The following ZNF468 variants were observed in gnomAD, a reference collection of about 807,000 sequenced individuals.
ZNF468 encodes zinc finger protein ZNF468.
A neutral mutation model predicts 7.2 loss-of-function variants in ZNF468; 8 were observed. The ratio of observed to expected loss-of-function variants is 1.11; its 90% CI spans 0.65 to 2.01. The LOEUF (loss-of-function observed/expected upper bound fraction) is 2.01, where lower values mean the gene tolerates loss of function less well. Among genes scored for constraint, ZNF468 ranks in the 30% most tolerant of loss-of-function variants. The pLI is 0.00. For missense variants in ZNF468, 608 were observed against 626.5 expected (o/e 0.97, Z 0.31); for synonymous variants, 218 against 214.4 (o/e 1.02, Z -0.15).
At chr19:52,847,256 C>T (rs1247349150) in intron 3 of ZNF468, among the ~76,000 whole-genome samples, 1 of 151,950 alleles carries the variant, frequency 6.6e-6, no homozygotes, top group Non-Finnish European at 1.5e-5. Flanking sequence ...GCAGGGTGTG[C>T]CTTGTTAACA....
At position 52,840,686 on chromosome 19, in the gene ZNF468, T is replaced by G. The variant is rs9749464; in HGVS notation, c.*39A>C. 0.18 allele frequency: 295,325 copies of G among 1,612,474 alleles called. 30,806 individuals are homozygous for G. Among genetic ancestry groups the G allele is most frequent in the South Asian group, 0.36 (32,799 of 91,002 alleles). ...TGAATTGCCTTATGACTTACAGGGTTGAATTGTGATGGAAGGTCTTGCCAC... is the reference window on the plus strand; with the variant it reads ...TGAATTGCCTTATGACTTACAGGGTGGAATTGTGATGGAAGGTCTTGCCAC... On this transcript the variant is annotated 3_prime_UTR_variant, in exon 4 of 4. Coordinates refer to ENST00000595646, the MANE Select transcript of ZNF468 (RefSeq NM_001008801.2).
chr19:52,857,322 G>A (rs1017199396), intron 1 of ZNF468, among the ~76,000 whole-genome samples: 19 of 152,234 alleles, frequency 1.2e-4, no homozygotes, highest in Non-Finnish European at 2.5e-4. Context: ...ACGGTTTTGA[G>A]CAGGAAAACT....
intron 2 of ZNF468, among the ~76,000 whole-genome samples, chr19:52,853,160 T>G (rs1165490078): frequency 6.6e-6 from 1 of 151,992 alleles, no homozygotes; most frequent in African/African-American, 2.4e-5. Flanking sequence ...TGGCCCAGAA[T>G]TTTTTTTAAA....
At chr19:52,856,092 T>C (rs1457592993) in intron 1 of ZNF468, among the ~76,000 whole-genome samples, 5 of 152,354 alleles carry the variant, frequency 3.3e-5, no homozygotes, top group African/African-American at 7.2e-5. Flanking sequence ...ACTCCCAACA[T>C]TGAATTCTTC....
rs2063284772 is a variant in ZNF468 at position 52,840,385 on chromosome 19, TTATAA to T, written c.*335_*339del. The T allele has an allele frequency of 1.9e-6, 1 of 527,750 alleles. No individual in the cohort carries two copies. Among genetic ancestry groups the T allele is most frequent in the Non-Finnish European group, 3.5e-6 (1 of 282,896 alleles). The allele number at this position is 527,750 out of a possible 1,614,324, so 32.7% of individuals were successfully genotyped here. On this transcript the variant is annotated 3_prime_UTR_variant, in exon 4 of 4. Transcript: ENST00000595646. ...AACGGTCTTGCCACACTCATTACAC[TTATAA>T]TGAGTTTCTCTCCAGTGTGAATTCT...
At chr19:52,854,703 A>G (rs2063421416) in intron 1 of ZNF468, among the ~76,000 whole-genome samples, 1 of 152,148 alleles carries the variant, frequency 6.6e-6, no homozygotes, top group Admixed American at 6.5e-5. Context: ...AGCCTGGCCA[A>G]CATGGTGAAA....
chr19:52,841,968 T>A lies in ZNF468; in HGVS notation c.326A>T (p.His109Leu). Reference sequence around the variant, plus strand: ...TTTGATTTCTGTCATGGGTGCTGCATGGCCATTTGTTTCATCTTCTTTCCA... The same window carrying A: ...TTTGATTTCTGTCATGGGTGCTGCAAGGCCATTTGTTTCATCTTCTTTCCA... Reference protein sequence around the residue: ...FQWKEDETNGHAAPMTEIKEL... With the variant: ...FQWKEDETNGLAAPMTEIKEL... The change falls in exon 4 of 4, where the codon CAT becomes CTT. Residue 109 changes from histidine to leucine, a missense_variant. By Grantham distance (99) the His-to-Leu change is moderately conservative (BLOSUM62 -3). Coordinates refer to ENST00000595646, the MANE Select transcript of ZNF468 (RefSeq NM_001008801.2). 1.2e-6 allele frequency: 2 copies of A among 1,614,002 alleles called. No individual in the cohort carries two copies. The highest frequency in any genetic ancestry group is 1.7e-6 in the Non-Finnish European group (2 of 1,179,940).
intron 2 of ZNF468, chr19:52,853,739 G>C (rs528226923): frequency 2.5e-6 from 1 of 394,534 alleles, no homozygotes. Context: ...TCATGTCTAT[G>C]TATGAACTTT....
chr19:52,851,928 G>A (rs1489768748), intron 2 of ZNF468, among the ~76,000 whole-genome samples: 1 of 152,116 alleles, frequency 6.6e-6, no homozygotes, highest in Non-Finnish European at 1.5e-5. Flanking sequence ...ATGTATAGAT[G>A]TGTGTGTATG....
At chr19:52,850,696 G>GTCT (rs1489544823) in intron 2 of ZNF468, among the ~76,000 whole-genome samples, 1 of 151,666 alleles carries the variant, frequency 6.6e-6, no homozygotes, top group Non-Finnish European at 1.5e-5. Flanking sequence ...TCAGGAGATC[G>GTCT]AGACCATCCT....
intron 3 of ZNF468, 21 bp from the exon 4 acceptor site, chr19:52,842,172 T>C (rs1600513219): frequency 3.2e-6 from 5 of 1,554,782 alleles, no homozygotes; most frequent in African/African-American, 1.4e-5. Context: ...TAAACACCAA[T>C]AGGTTTCCAA....
intron 2 of ZNF468, among the ~76,000 whole-genome samples, chr19:52,852,839 T>A (rs114936881): frequency 0.34 from 51,397 of 150,850 alleles, 9,464 homozygotes; most frequent in South Asian, 0.5. Flanking sequence ...ATATATAAAA[T>A]TTTTTTTTAA....
At chr19:52,848,707 C>T (rs1466346205) in intron 3 of ZNF468, among the ~76,000 whole-genome samples, 2 of 152,054 alleles carry the variant, frequency 1.3e-5, no homozygotes, top group African/African-American at 2.4e-5. Flanking sequence ...CGTGCCACCA[C>T]ACCCAGCTAA....
At chr19:52,851,247 G>A (rs1368545923) in intron 2 of ZNF468, among the ~76,000 whole-genome samples, 1 of 152,062 alleles carries the variant, frequency 6.6e-6, no homozygotes, top group Non-Finnish European at 1.5e-5. Flanking sequence ...CTGCACTCCA[G>A]CCTGGGCAAC....
chr19:52,845,733 G>A (rs988413179), intron 3 of ZNF468, among the ~76,000 whole-genome samples: 6 of 152,098 alleles, frequency 3.9e-5, no homozygotes, highest in Non-Finnish European at 7.4e-5. Context: ...GTCTAGGTGT[G>A]GTCGTTCATT....
At chr19:52,849,687 C>T (rs2063369346) in intron 2 of ZNF468, 1 of 167,160 alleles carries the variant, frequency 6.0e-6, no homozygotes, top group Admixed American at 6.1e-5. Context: ...TTGCAGTGAT[C>T]CCAGATCGCA....
At chr19:52,842,814 C>CAAAAAAAAAAAAAAAAAA (rs60067060) in intron 3 of ZNF468, among the ~76,000 whole-genome samples, 1 of 52,948 alleles carries the variant, frequency 1.9e-5, no homozygotes, top group African/African-American at 8.5e-5. Context: ...GACTCCATCT[C>CAAAAAAAAAAAAAAAAAA]AAAAAAAAAA....
At chr19:52,847,304 C>T (rs1411476727) in intron 3 of ZNF468, among the ~76,000 whole-genome samples, 1 of 151,736 alleles carries the variant, frequency 6.6e-6, no homozygotes, top group Admixed American at 6.6e-5. Context: ...AAAGTCATGC[C>T]ATTCTCCATT....
intron 3 of ZNF468, among the ~76,000 whole-genome samples, chr19:52,845,736 C>A (rs1218665235): frequency 6.6e-6 from 1 of 151,690 alleles, no homozygotes; most frequent in Admixed American, 6.6e-5. Flanking sequence ...TAGGTGTGGT[C>A]GTTCATTCCT....
Sources: gnomAD v4.1 joint callset for allele counts (sites outside exome capture counted in the v4.1 genomes callset) on GRCh38, gnomAD v4.1.1 for gene constraint, MANE v1.5 for transcripts, NCBI Gene and HGNC (gene_info 2026-07-23, HGNC 2026-07-21) for gene names.